The following EPHB1 variants were observed in gnomAD, a reference collection of about 807,000 sequenced individuals.
EPHB1 encodes the protein ephrin type-B receptor 1.
Under a neutral mutation model 94.4 loss-of-function variants are expected in EPHB1, and 30 were observed. That is an observed-to-expected ratio of 0.32 (90% CI 0.24 to 0.43). The LOEUF (loss-of-function observed/expected upper bound fraction) is 0.43, where lower values mean the gene tolerates loss of function less well. Ranked by LOEUF, EPHB1 falls within the 20% of genes least tolerant of loss-of-function variation. The probability of loss-of-function intolerance (pLI) is 1.00; values close to 1 mark genes in which losing one functional copy is unlikely to be tolerated. For missense variants in EPHB1, 1,055 were observed against 1,308.3 expected (o/e 0.81, Z 2.99); for synonymous variants, 522 against 489.1 (o/e 1.07, Z -0.89).
intron 2 of EPHB1, among the ~76,000 whole-genome samples, chr3:134,931,739 ATATAAG>A (rs1224564976): frequency 2.6e-5 from 4 of 152,210 alleles, no homozygotes; most frequent in African/African-American, 9.6e-5. Flanking sequence ...CTCTTTAGAA[ATATAAG>A]TATGTGTGTG....
intron 3 of EPHB1, among the ~76,000 whole-genome samples, chr3:134,969,434 C>G (rs1007413640): frequency 6.6e-6 from 1 of 152,182 alleles, no homozygotes; most frequent in Non-Finnish European, 1.5e-5. Flanking sequence ...GAGAGGCTGC[C>G]TCTTCTCTTA....
At position 134,804,175 on chromosome 3, in the gene EPHB1, A is replaced by T. The variant is rs553201131; in HGVS notation, c.58+8486A>T. Among the ~76,000 whole-genome samples, 46 of 138,166 alleles carry T rather than the reference A, an allele frequency of 3.3e-4. 1 individual carries two copies. Among genetic ancestry groups the T allele is most frequent in the Admixed American group, 2.5e-3 (31 of 12,438 alleles). 90.6% of individuals were successfully genotyped at this position (138,166 alleles called of 152,430 possible). A position where few individuals can be genotyped will look rare whatever the true frequency, so the allele number is the denominator to read the frequency against. ...CATACCTGAGACTGGGAAGAAAAAG[A>T]GGTTTAATTGGACTTACAGTTCCAC... On this transcript the variant is annotated intron_variant, in intron 1 of 15. Coordinates refer to ENST00000398015, the MANE Select transcript of EPHB1 (RefSeq NM_004441.5).
chr3:134,915,304 A>T (rs988009189), intron 1 of EPHB1, among the ~76,000 whole-genome samples: 1 of 152,158 alleles, frequency 6.6e-6, no homozygotes, highest in Admixed American at 6.5e-5. Context: ...CCCTCATCCA[A>T]TATGACTGGC....
chr3:134,879,909 C>G (rs1410823743), intron 1 of EPHB1, among the ~76,000 whole-genome samples: 1 of 151,956 alleles, frequency 6.6e-6, no homozygotes, highest in East Asian at 1.9e-4. Flanking sequence ...ATAAATGAGG[C>G]CAGAAAAAAA....
intron 3 of EPHB1, among the ~76,000 whole-genome samples, chr3:135,011,842 G>A (rs988036715): frequency 1.2e-4 from 19 of 152,164 alleles, no homozygotes; most frequent in African/African-American, 4.6e-4. Flanking sequence ...TAGGTGGTTT[G>A]TAATGCCACC....
At chr3:135,107,086 G>T (rs952863037) in intron 4 of EPHB1, among the ~76,000 whole-genome samples, 3 of 152,142 alleles carry the variant, frequency 2.0e-5, no homozygotes, top group Non-Finnish European at 2.9e-5. Context: ...GAAGACTATT[G>T]TGTGCCAGGA....
intron 3 of EPHB1, among the ~76,000 whole-genome samples, chr3:135,014,635 T>A (rs144558285): frequency 3.3e-5 from 5 of 152,318 alleles, no homozygotes; most frequent in South Asian, 2.1e-4. Context: ...TGTGTCCTTG[T>A]GGGGCTGCAG....
At chr3:134,943,435 G>C (rs2039158079) in intron 2 of EPHB1, among the ~76,000 whole-genome samples, 1 of 152,210 alleles carries the variant, frequency 6.6e-6, no homozygotes, top group East Asian at 1.9e-4. Context: ...CTAGTGCACT[G>C]GTCATAGGAA....
At chr3:135,255,816 G>C (rs1330798409) in intron 15 of EPHB1, among the ~76,000 whole-genome samples, 1 of 143,190 alleles carries the variant, frequency 7.0e-6, no homozygotes. Context: ...TTGACAGTGG[G>C]GTGTTAAAGT....
intron 15 of EPHB1, among the ~76,000 whole-genome samples, chr3:135,257,378 T>C: frequency 6.6e-6 from 1 of 151,938 alleles, no homozygotes; most frequent in East Asian, 1.9e-4. Context: ...ATGATGGTGA[T>C]GTACAGATGG....
At chr3:134,804,069 C>CTTTTTTTTTTTTT (rs1560240142) in intron 1 of EPHB1, among the ~76,000 whole-genome samples, 1 of 51,810 alleles carries the variant, frequency 1.9e-5, no homozygotes, top group Non-Finnish European at 3.5e-5. Context: ...TCATTATTGG[C>CTTTTTTTTTTTTT]TATTTTTTTT....
At chr3:135,132,033 T>C (rs1215140923) in intron 4 of EPHB1, among the ~76,000 whole-genome samples, 1 of 152,232 alleles carries the variant, frequency 6.6e-6, no homozygotes, top group South Asian at 2.1e-4. Flanking sequence ...AGGTAATGTA[T>C]ATAAAGCAGC....
At chr3:135,100,367 A>T (rs1433193169) in intron 3 of EPHB1, among the ~76,000 whole-genome samples, 1 of 152,182 alleles carries the variant, frequency 6.6e-6, no homozygotes, top group Admixed American at 6.5e-5. Flanking sequence ...TCTTCCTTTG[A>T]TATCAAGAAA....
chr3:134,905,685 C>T (rs2038309538), intron 1 of EPHB1, among the ~76,000 whole-genome samples: 1 of 152,204 alleles, frequency 6.6e-6, no homozygotes. Flanking sequence ...TTTTCCTGTG[C>T]TGAGGTCTGG....
At chr3:135,022,301 A>G (rs2107754995) in intron 3 of EPHB1, among the ~76,000 whole-genome samples, 1 of 152,272 alleles carries the variant, frequency 6.6e-6, no homozygotes, top group Non-Finnish European at 1.5e-5. Context: ...CTCTTGTTTA[A>G]TGCTTACATC....
chr3:135,170,298 G>A (rs1480426439), intron 9 of EPHB1, among the ~76,000 whole-genome samples: 1 of 152,170 alleles, frequency 6.6e-6, no homozygotes, highest in Non-Finnish European at 1.5e-5. Flanking sequence ...TTGAGACGTG[G>A]CAGATCTAGT....
intron 4 of EPHB1, among the ~76,000 whole-genome samples, chr3:135,109,375 G>A (rs1462019064): frequency 6.6e-6 from 1 of 152,116 alleles, no homozygotes; most frequent in Non-Finnish European, 1.5e-5. Flanking sequence ...TTATTCTCAC[G>A]ACTTCATAAT....
At chr3:135,178,224 A>AGGGGGGGG (rs36017335) in intron 9 of EPHB1, among the ~76,000 whole-genome samples, 1 of 139,422 alleles carries the variant, frequency 7.2e-6, no homozygotes, top group African/African-American at 3.0e-5. Context: ...GAGGCCGGGG[A>AGGGGGGGG]GGGGGGGTGG....
At chr3:135,123,947 A>G (rs1156263297) in intron 4 of EPHB1, among the ~76,000 whole-genome samples, 1 of 151,566 alleles carries the variant, frequency 6.6e-6, no homozygotes, top group Non-Finnish European at 1.5e-5. Flanking sequence ...ACAAGGCAGC[A>G]TAAGTCTAAG....
Sources: allele counts gnomAD v4.1 joint callset (sites outside exome capture counted in the v4.1 genomes callset), GRCh38; gene constraint gnomAD v4.1.1; transcripts MANE v1.5; gene names NCBI Gene and HGNC (gene_info 2026-07-23, HGNC 2026-07-21).